The following PDZD2 variants were observed in gnomAD, a reference collection of about 807,000 sequenced individuals.
The protein encoded by PDZD2 is PDZ domain containing 2, also known as PDZ domain-containing protein 2.
A neutral mutation model predicts 220.7 loss-of-function variants in PDZD2; 90 were observed. The observed-to-expected ratio is 0.41, with a 90% CI of 0.34 to 0.49. PDZD2 has a LOEUF of 0.49. PDZD2 is among the 20% of genes least tolerant of loss of function. The pLI is 0.28. For missense variants in PDZD2, 3,174 were observed against 3,608.5 expected, an observed-to-expected ratio of 0.88 and a Z score of 3.08; for synonymous variants, 1,375 against 1,450.5, an observed-to-expected ratio of 0.95 and a Z score of 1.18.
intron 1 of PDZD2, among the ~76,000 whole-genome samples, chr5:31,737,304 C>G (rs1749944372): frequency 6.6e-6 from 1 of 150,946 alleles, no homozygotes; most frequent in South Asian, 2.1e-4. Flanking sequence ...TCCTGAGTAG[C>G]TGGGACTACA....
At chr5:32,050,676 C>G (rs1309437320) in intron 8 of PDZD2, among the ~76,000 whole-genome samples, 1 of 152,056 alleles carries the variant, frequency 6.6e-6, no homozygotes, top group Non-Finnish European at 1.5e-5. Flanking sequence ...TTTTAATTAG[C>G]TGGGTATGGT....
At chr5:31,701,037 C>T (rs1047403496) in intron 1 of PDZD2, among the ~76,000 whole-genome samples, 10 of 152,208 alleles carry the variant, frequency 6.6e-5, no homozygotes, top group African/African-American at 2.2e-4. Context: ...AGGTGTGCTT[C>T]CAGTGCTGGA....
chr5:31,778,696 C>T (rs1035641594), intron 1 of PDZD2, among the ~76,000 whole-genome samples: 11 of 152,120 alleles, frequency 7.2e-5, no homozygotes, highest in East Asian at 1.9e-4. Flanking sequence ...CGGGAGGGTC[C>T]GCGGCTTCAT....
chr5:31,960,948 C>T (rs1305013990), intron 2 of PDZD2, among the ~76,000 whole-genome samples: 1 of 152,102 alleles, frequency 6.6e-6, no homozygotes, highest in African/African-American at 2.4e-5. Context: ...GACCGACTGA[C>T]TTATTCATTG....
At chr5:31,923,192 G>T (rs1315524048) in intron 2 of PDZD2, among the ~76,000 whole-genome samples, 3 of 152,122 alleles carry the variant, frequency 2.0e-5, no homozygotes, top group African/African-American at 7.2e-5. Flanking sequence ...CTACTCAGGG[G>T]GCAGAGGTTG....
At chr5:31,841,470 C>T (rs765328878) in intron 2 of PDZD2, among the ~76,000 whole-genome samples, 23 of 152,240 alleles carry the variant, frequency 1.5e-4, no homozygotes, top group African/African-American at 4.1e-4. Flanking sequence ...ATCAAGAGAT[C>T]GAGACCATCC....
chr5:32,004,886 A>G (rs766040772), intron 5 of PDZD2, among the ~76,000 whole-genome samples: 2 of 152,178 alleles, frequency 1.3e-5, no homozygotes, highest in East Asian at 1.9e-4. Flanking sequence ...CAAGTTCTCA[A>G]TCCATTGGCC....
intron 19 of PDZD2, among the ~76,000 whole-genome samples, chr5:32,080,170 A>C (rs781679217): frequency 6.6e-6 from 1 of 152,010 alleles, no homozygotes; most frequent in Non-Finnish European, 1.5e-5. Flanking sequence ...AACACAGTGA[A>C]ACCCCATCTC....
At chr5:31,803,261 CTTTTT>C (rs759569783) in intron 2 of PDZD2, among the ~76,000 whole-genome samples, 7 of 92,244 alleles carry the variant, frequency 7.6e-5, no homozygotes, top group South Asian at 4.0e-4. Flanking sequence ...CTGCATCTGG[CTTTTT>C]TTTTTTTTTT....
rs184322467 is a variant in PDZD2 at position 32,042,662 on chromosome 5, G to A, written c.1519+5320G>A. Among the ~76,000 whole-genome samples, 100 of 152,318 alleles carry A rather than the reference G, an allele frequency of 6.6e-4. 1 individual carries two copies. Among genetic ancestry groups the A allele is most frequent in the African/African-American group, 2.2e-3 (90 of 41,574 alleles). ...TAATTAGGCGGTGTTACGCTTGAAC[G>A]AGTTACAACATGGATTGGGGACCGA... is the stretch of plus-strand genomic sequence containing the variant. On this transcript the variant is annotated intron_variant, in intron 7 of 24. Coordinates refer to ENST00000438447, the MANE Select transcript of PDZD2 (RefSeq NM_178140.4).
At chr5:32,015,402 G>A (rs1246051394) in intron 6 of PDZD2, among the ~76,000 whole-genome samples, 2 of 151,728 alleles carry the variant, frequency 1.3e-5, no homozygotes, top group Admixed American at 6.6e-5. Context: ...GCACGCCACC[G>A]CAGCCTGCTA....
At chr5:31,841,140 A>G (rs1757275188) in intron 2 of PDZD2, among the ~76,000 whole-genome samples, 1 of 152,206 alleles carries the variant, frequency 6.6e-6, no homozygotes, top group Non-Finnish European at 1.5e-5. Flanking sequence ...TTGTCATCCC[A>G]TCATCCAGTG....
At position 31,810,019 on chromosome 5, in the gene PDZD2, C is replaced by T. The variant is rs372437060; in HGVS notation, c.476+10295C>T. 4.1e-4 allele frequency among the ~76,000 whole-genome samples: 62 copies of T among 152,198 alleles called. No individual in the cohort carries two copies. The South Asian group carries it at 0.012, about 30-fold the overall frequency. On this transcript the variant is annotated intron_variant, in intron 2 of 24. Coordinates refer to ENST00000438447, the MANE Select transcript of PDZD2 (RefSeq NM_178140.4). ...GCTTTTAAACTCTTAGCACTACTTT[C>T]GGGAATTGTAATGGTAATTGTAAAC...
intron 2 of PDZD2, among the ~76,000 whole-genome samples, chr5:31,941,971 T>G (rs1422710765): frequency 1.3e-5 from 2 of 152,232 alleles, no homozygotes; most frequent in African/African-American, 4.8e-5. Context: ...GGGTTCTTCA[T>G]CTACTCCAGA....
chr5:31,883,633 T>C (rs1169674077), intron 2 of PDZD2, among the ~76,000 whole-genome samples: 1 of 151,530 alleles, frequency 6.6e-6, no homozygotes, highest in Non-Finnish European at 1.5e-5. Flanking sequence ...TTTTTTTTTT[T>C]TTTGAGACAG....
At chr5:31,950,565 T>A (rs1339067668) in intron 2 of PDZD2, among the ~76,000 whole-genome samples, 1 of 152,100 alleles carries the variant, frequency 6.6e-6, no homozygotes, top group Non-Finnish European at 1.5e-5. Flanking sequence ...TCATGATAAA[T>A]TTTCCCCAAT....
Position 32,066,289 on chromosome 5 carries a change from A to G in PDZD2, c.2452-3280A>G, listed in dbSNP as rs886935205. On this transcript the variant is annotated intron_variant, in intron 14 of 24. Transcript: ENST00000438447. ...GAACCTGGGAGGTAGAGGTTGCAGTAAGCTAAGATCACGCCACTGCACTCC... is the reference window on the plus strand; with the variant it reads ...GAACCTGGGAGGTAGAGGTTGCAGTGAGCTAAGATCACGCCACTGCACTCC... Among the ~76,000 whole-genome samples the G allele has an allele frequency of 1.2e-4, 18 of 151,956 alleles. No homozygotes were observed. In the East Asian group the frequency reaches 3.3e-3, roughly 28 times the overall value.
chr5:31,989,425 T>TTTTTTTTTTTTTTTTTTTTATTTATTTA (rs1554020127), intron 3 of PDZD2, among the ~76,000 whole-genome samples: 15 of 145,882 alleles, frequency 1.0e-4, no homozygotes, highest in African/African-American at 3.9e-4. Context: ...TCTTTTCTTT[T>TTTTTTTTTTTTTTTTTTTTATTTATTTA]TTTTTTTTTT....
intron 1 of PDZD2, among the ~76,000 whole-genome samples, chr5:31,682,787 C>T (rs1197201856): frequency 6.6e-6 from 1 of 151,606 alleles, no homozygotes; most frequent in East Asian, 1.9e-4. Context: ...TGAATTTTTA[C>T]GTAGACCAAG....
Sources: gnomAD v4.1 joint callset for allele counts (sites outside exome capture counted in the v4.1 genomes callset) on GRCh38, gnomAD v4.1.1 for gene constraint, MANE v1.5 for transcripts, NCBI Gene and HGNC (gene_info 2026-07-23, HGNC 2026-07-21) for gene names.